ASAP2: variants seen among roughly 807,000 people sequenced by gnomAD.
ASAP2 encodes ArfGAP with SH3 domain, ankyrin repeat and PH domain 2.
In ASAP2, 45 loss-of-function variants were observed where a neutral mutation model predicts 131.4. That is an observed-to-expected ratio of 0.34 (90% CI 0.27 to 0.44). The LOEUF (loss-of-function observed/expected upper bound fraction) is 0.44, where lower values mean the gene tolerates loss of function less well. Among genes scored for constraint, ASAP2 ranks in the 20% least tolerant of loss-of-function variants. The probability of loss-of-function intolerance (pLI) is 1.00; values close to 1 mark genes in which losing one functional copy is unlikely to be tolerated. For synonymous variants in ASAP2, 510 were observed against 503.0 expected (o/e 1.01, Z -0.19); for missense variants, 1,011 against 1,297.0 (o/e 0.78, Z 3.39).
chr2:9,249,309 C>T (rs1664548358), intron 1 of ASAP2, among the ~76,000 whole-genome samples: 1 of 152,342 alleles, frequency 6.6e-6, no homozygotes. Flanking sequence ...CTGCCCGTGG[C>T]CTGTCTGTCT....
In ASAP2 at chr2:9,389,718, C is replaced by A. The variant is rs949008243; in HGVS notation, c.2383+1172C>A. Among the ~76,000 whole-genome samples the A allele has an allele frequency of 6.6e-5, 10 of 152,224 alleles. No homozygotes were observed. Among genetic ancestry groups the A allele is most frequent in the African/African-American group, 1.2e-4 (5 of 41,454 alleles). Reference sequence around the variant, plus strand: ...AACAAACCTGCTGAGAGCAGACCTTCCCCCAGGCAGGCCCAGAAGCCAGCT... The same window carrying A: ...AACAAACCTGCTGAGAGCAGACCTTACCCCAGGCAGGCCCAGAAGCCAGCT... On this transcript the variant is annotated intron_variant, in intron 22 of 27. Coordinates refer to ENST00000281419, the MANE Select transcript of ASAP2 (RefSeq NM_003887.3). This position sits in a 1 kb window ranked among gnomAD's most constrained non-coding sequence, Gnocchi z 4.7.
At chr2:9,398,636 C>T (rs936973091) in intron 24 of ASAP2, among the ~76,000 whole-genome samples, 10 of 152,094 alleles carry the variant, frequency 6.6e-5, no homozygotes, top group African/African-American at 1.4e-4. Flanking sequence ...GGTGAAACCC[C>T]GTCTCTACTG....
Position 9,320,344 on chromosome 2 carries a change from G to T in ASAP2, c.470+7G>T. ...AGGACTATGAAACAAAAATGTGAGT[G>T]TTCTCGTTTTTAAATTTACGTATAG... On this transcript the variant is annotated splice_region_variant and intron_variant, in intron 5 of 27. Coordinates refer to ENST00000281419, the MANE Select transcript of ASAP2 (RefSeq NM_003887.3). 1 of 1,607,980 alleles carries T rather than the reference G, an allele frequency of 6.2e-7. No individual in the cohort carries two copies. The highest frequency in any genetic ancestry group is 8.5e-7 in the Non-Finnish European group (1 of 1,176,814).
chr2:9,345,496 G>C (rs116567340), intron 11 of ASAP2, among the ~76,000 whole-genome samples: 1 of 152,124 alleles, frequency 6.6e-6, no homozygotes, highest in Non-Finnish European at 1.5e-5. Flanking sequence ...TTCCATGGCA[G>C]CGTTATACAT....
At chr2:9,231,786 A>T (rs1040168712) in intron 1 of ASAP2, among the ~76,000 whole-genome samples, 2 of 152,090 alleles carry the variant, frequency 1.3e-5, no homozygotes, top group Non-Finnish European at 2.9e-5. Context: ...GCCGTCTCGC[A>T]TGCCATCCTT....
chr2:9,354,499 C>T (rs530736229), intron 12 of ASAP2, among the ~76,000 whole-genome samples: 5 of 152,114 alleles, frequency 3.3e-5, no homozygotes, highest in East Asian at 1.9e-4. Flanking sequence ...TGGCCAGGTG[C>T]GGTGGCCCAC....
intron 11 of ASAP2, among the ~76,000 whole-genome samples, chr2:9,346,450 A>G (rs553174394): frequency 4.7e-4 from 71 of 152,114 alleles, no homozygotes; most frequent in Admixed American, 7.8e-4. Context: ...AAAAAAAAAA[A>G]AGCCATTCTT....
chr2:9,392,072 C>T lies in ASAP2; in HGVS notation c.2518+876C>T, dbSNP rs912443246. On this transcript the variant is annotated intron_variant, in intron 23 of 27. Coordinates refer to ENST00000281419, the MANE Select transcript of ASAP2 (RefSeq NM_003887.3). This position sits in a 1 kb window ranked among gnomAD's most constrained non-coding sequence, Gnocchi z 4.0. ...ACAGGGTTTTGCTATGTTGCCCAGG[C>T]TCGAATTCCTGGGCTCAAGTGATCC... Among the ~76,000 whole-genome samples, 1 of 152,140 alleles carries T rather than the reference C, an allele frequency of 6.6e-6. No individual in the cohort carries two copies. The highest frequency in any genetic ancestry group is 2.4e-5 in the African/African-American group (1 of 41,424).
intron 20 of ASAP2, among the ~76,000 whole-genome samples, chr2:9,383,035 G>A (rs1208570744): frequency 1.3e-5 from 2 of 151,936 alleles, no homozygotes; most frequent in African/African-American, 4.8e-5. Flanking sequence ...AATGGGTGCT[G>A]CTGATTGGTT....
In ASAP2 at chr2:9,397,688, T is replaced by C. The variant is rs370206383; in HGVS notation, c.2685-2335T>C. Among the ~76,000 whole-genome samples, 139 of 147,354 alleles carry C rather than the reference T, an allele frequency of 9.4e-4. 3 individuals are homozygous for C. The highest frequency in any genetic ancestry group is 3.4e-3 in the African/African-American group (133 of 38,802). ...CCATGAGCTAAGAACTAAGAATGGC[T>C]TTTATATTTGTAATTGGTTGGGAAA... On this transcript the variant is annotated intron_variant, in intron 24 of 27. Coordinates refer to ENST00000281419, the MANE Select transcript of ASAP2 (RefSeq NM_003887.3).
intron 1 of ASAP2, among the ~76,000 whole-genome samples, chr2:9,256,118 C>T (rs1352125086): frequency 7.7e-6 from 1 of 129,110 alleles, no homozygotes; most frequent in East Asian, 2.3e-4. Flanking sequence ...CACGTTCAGA[C>T]ATTCATAGAA....
At chr2:9,229,584 T>C (rs1663010885) in intron 1 of ASAP2, among the ~76,000 whole-genome samples, 1 of 152,182 alleles carries the variant, frequency 6.6e-6, no homozygotes, top group South Asian at 2.1e-4. Flanking sequence ...AGCTGGCTGC[T>C]TTTCTGTAGG....
At chr2:9,368,997 T>C (rs781469335) in intron 16 of ASAP2, among the ~76,000 whole-genome samples, 2 of 151,804 alleles carry the variant, frequency 1.3e-5, no homozygotes, top group African/African-American at 4.9e-5. Flanking sequence ...TTATTGTTGA[T>C]ACACAACTTG....
At chr2:9,208,207 A>G (rs777958303) in intron 1 of ASAP2, among the ~76,000 whole-genome samples, 7 of 152,130 alleles carry the variant, frequency 4.6e-5, no homozygotes, top group Non-Finnish European at 8.8e-5. Context: ...TCGGCTCAGA[A>G]TAGGTTTACA....
intron 1 of ASAP2, among the ~76,000 whole-genome samples, chr2:9,226,699 T>G (rs1662793515): frequency 6.6e-6 from 1 of 152,120 alleles, no homozygotes; most frequent in South Asian, 2.1e-4. Context: ...AGGGGAGGAC[T>G]TGGGAAACAG....
At chr2:9,395,851 C>T (rs772757742) in intron 24 of ASAP2, among the ~76,000 whole-genome samples, 1 of 151,982 alleles carries the variant, frequency 6.6e-6, no homozygotes, top group East Asian at 1.9e-4. Flanking sequence ...TCGTGATCTG[C>T]CCTCCTCGGC....
At chr2:9,239,464 G>A (rs147778598) in intron 1 of ASAP2, among the ~76,000 whole-genome samples, 6 of 152,224 alleles carry the variant, frequency 3.9e-5, no homozygotes, top group African/African-American at 1.4e-4. Context: ...GTGATGGAGG[G>A]GTGGTGGTGG....
chr2:9,382,740 A>G (rs901817417), intron 20 of ASAP2, among the ~76,000 whole-genome samples: 1 of 152,164 alleles, frequency 6.6e-6, no homozygotes, highest in African/African-American at 2.4e-5. Flanking sequence ...CTGTACGGTT[A>G]CACTGTTGTC....
At chr2:9,259,252 A>C (rs1203072973) in intron 1 of ASAP2, among the ~76,000 whole-genome samples, 3 of 152,228 alleles carry the variant, frequency 2.0e-5, no homozygotes, top group Non-Finnish European at 4.4e-5. Flanking sequence ...CTTGGGGAGA[A>C]ACATTCATCC....
Sources: gnomAD v4.1 joint callset for allele counts (sites outside exome capture counted in the v4.1 genomes callset) on GRCh38, gnomAD v4.1.1 for gene constraint, Gnocchi (gnomAD v3.1) non-coding constraint, MANE v1.5 for transcripts, NCBI Gene and HGNC (gene_info 2026-07-23, HGNC 2026-07-21) for gene names.